Variants in PTPRN2 observed in about 807,000 individuals in gnomAD.
PTPRN2 encodes the protein receptor-type tyrosine-protein phosphatase N2.
A neutral mutation model predicts 118.8 loss-of-function variants in PTPRN2; 74 were observed. That is an observed-to-expected ratio of 0.62 (90% CI 0.52 to 0.76). PTPRN2 has a LOEUF of 0.76. Ranked by LOEUF, PTPRN2 falls within the 30% of genes least tolerant of loss-of-function variation. The pLI is 0.00. For missense variants in PTPRN2, 1,481 were observed against 1,394.4 expected (o/e 1.06, Z -0.99); for synonymous variants, 641 against 608.0 (o/e 1.05, Z -0.80).
chr7:158,309,363 C>T (rs191113399), intron 3 of PTPRN2, among the ~76,000 whole-genome samples: 112 of 93,948 alleles, frequency 1.2e-3, no homozygotes, highest in Non-Finnish European at 1.6e-3. Flanking sequence ...CGCTACTCCC[C>T]TGCGGGATGC....
At chr7:158,140,826 T>C (rs934565831) in intron 6 of PTPRN2, among the ~76,000 whole-genome samples, 1 of 152,198 alleles carries the variant, frequency 6.6e-6, no homozygotes, top group Admixed American at 6.5e-5. Context: ...ACAGCAGCAA[T>C]AAAGACTCTG....
At chr7:158,136,615 C>A in intron 8 of PTPRN2, 40 bp downstream of exon 8, 5 of 1,596,308 alleles carry the variant, frequency 3.1e-6, no homozygotes, top group Non-Finnish European at 4.3e-6. Flanking sequence ...CACCAACTTC[C>A]ACATTTAACA....
intron 2 of PTPRN2, among the ~76,000 whole-genome samples, chr7:158,341,131 CCCACAG>C (rs1200356204): frequency 9.2e-6 from 1 of 108,718 alleles, no homozygotes. Context: ...GTCACTCACA[CCCACAG>C]TCTCACCATA....
chr7:157,850,605 C>T (rs1809205093), intron 12 of PTPRN2, among the ~76,000 whole-genome samples: 1 of 152,244 alleles, frequency 6.6e-6, no homozygotes, highest in African/African-American at 2.4e-5. Context: ...CACAGACTAA[C>T]TTATTCAGCT....
At chr7:157,842,147 T>G (rs569030876) in intron 12 of PTPRN2, among the ~76,000 whole-genome samples, 1 of 152,204 alleles carries the variant, frequency 6.6e-6, no homozygotes, top group South Asian at 2.1e-4. Context: ...TACACAACAT[T>G]AGAAACGGCA....
At chr7:158,077,269 C>T (rs543170967) in intron 11 of PTPRN2, among the ~76,000 whole-genome samples, 2 of 152,316 alleles carry the variant, frequency 1.3e-5, no homozygotes, top group East Asian at 1.9e-4. Context: ...GACAGCAGCA[C>T]AGCAGACACG....
intron 11 of PTPRN2, among the ~76,000 whole-genome samples, chr7:157,960,278 A>G (rs1801440876): frequency 6.6e-6 from 1 of 152,222 alleles, no homozygotes; most frequent in Non-Finnish European, 1.5e-5. Flanking sequence ...GACACTGTGA[A>G]TGTACTTAAT....
intron 2 of PTPRN2, among the ~76,000 whole-genome samples, chr7:158,452,281 C>A (rs1670378): frequency 0.52 from 79,614 of 151,860 alleles, 21,111 homozygotes; most frequent in Non-Finnish European, 0.55. Flanking sequence ...CGTTTAATTT[C>A]AAAAAAAATT....
At chr7:157,725,094 G>A (rs1004678216) in intron 12 of PTPRN2, among the ~76,000 whole-genome samples, 1 of 152,204 alleles carries the variant, frequency 6.6e-6, no homozygotes, top group Non-Finnish European at 1.5e-5. Context: ...AAACCTGTGG[G>A]GGAAAGGACG....
At chr7:158,227,746 T>C (rs888230779) in intron 3 of PTPRN2, among the ~76,000 whole-genome samples, 1 of 152,180 alleles carries the variant, frequency 6.6e-6, no homozygotes, top group Non-Finnish European at 1.5e-5. Flanking sequence ...GCAGGAAGCC[T>C]GTAGGCTTTG....
At chr7:158,095,446 G>A (rs773979080) in intron 10 of PTPRN2, among the ~76,000 whole-genome samples, 3 of 151,826 alleles carry the variant, frequency 2.0e-5, no homozygotes, top group Non-Finnish European at 2.9e-5. Flanking sequence ...ATCTGCATAC[G>A]CAGGGCATTT....
chr7:157,850,660 A>G (rs889006175), intron 12 of PTPRN2, among the ~76,000 whole-genome samples: 1 of 152,100 alleles, frequency 6.6e-6, no homozygotes, highest in Non-Finnish European at 1.5e-5. Flanking sequence ...TGGGTCCTGG[A>G]CCCTCCAATT....
intron 11 of PTPRN2, among the ~76,000 whole-genome samples, chr7:158,038,091 A>G (rs1234878933): frequency 6.6e-6 from 1 of 152,244 alleles, no homozygotes; most frequent in East Asian, 1.9e-4. Flanking sequence ...CAGGCTCTGC[A>G]CTAAGATGTG....
chr7:158,320,562 TGGCGTCCGTGTTCCCACGTCCTC>T (rs1802925292), intron 2 of PTPRN2, among the ~76,000 whole-genome samples: 3 of 143,436 alleles, frequency 2.1e-5, no homozygotes, highest in Admixed American at 2.0e-4. Flanking sequence ...CAGCGCCGGG[TGGCGTCCGTGTTCCCACGTCCTC>T]GGCAGCGCTG....
At chr7:157,758,650 C>A (rs1020179474) in intron 12 of PTPRN2, among the ~76,000 whole-genome samples, 20 of 152,228 alleles carry the variant, frequency 1.3e-4, no homozygotes, top group African/African-American at 4.8e-4. Context: ...ACTGGCATGT[C>A]TCCTGCATCC....
chr7:158,325,709 G>A (rs1023864002), intron 2 of PTPRN2, among the ~76,000 whole-genome samples: 11 of 152,150 alleles, frequency 7.2e-5, no homozygotes, highest in African/African-American at 2.7e-4. Context: ...AAGGGCAGGC[G>A]AGAGACACCC....
intron 12 of PTPRN2, among the ~76,000 whole-genome samples, chr7:157,897,461 G>A (rs774099319): frequency 6.6e-6 from 1 of 152,134 alleles, no homozygotes; most frequent in East Asian, 1.9e-4. Context: ...AAAGACCAGG[G>A]CATCACCAGC....
chr7:158,125,503 C>T (rs1817581567), intron 9 of PTPRN2, among the ~76,000 whole-genome samples: 1 of 152,198 alleles, frequency 6.6e-6, no homozygotes, highest in Admixed American at 6.5e-5. Flanking sequence ...ACCCCCATGC[C>T]ACTCCTTCTC....
rs535393808 is a variant in PTPRN2, at chr7:157,583,494, G to T, written c.2497-5354C>A. The stretch of plus-strand genomic sequence containing the variant: ...CCACACACAAAGAAACGGTAACTAC[G>T]CGAGGAGACGTGTATTCATTAGCTT... On this transcript the variant is annotated intron_variant, in intron 17 of 22. Coordinates refer to ENST00000389418, the MANE Select transcript of PTPRN2 (RefSeq NM_002847.5). The surrounding 1 kb of genome is among the most constrained non-coding windows in gnomAD (Gnocchi z 5.5). 6.6e-6 allele frequency among the ~76,000 whole-genome samples: 1 copy of T among 152,150 alleles called. No homozygotes were observed. Among genetic ancestry groups the T allele is most frequent in the African/African-American group, 2.4e-5 (1 of 41,440 alleles).
Sources: allele counts gnomAD v4.1 joint callset (sites outside exome capture counted in the v4.1 genomes callset), GRCh38; gene constraint gnomAD v4.1.1; non-coding constraint Gnocchi (gnomAD v3.1); transcripts MANE v1.5; gene names NCBI Gene and HGNC (gene_info 2026-07-23, HGNC 2026-07-21).